ADAP1: variants seen among roughly 807,000 people sequenced by gnomAD.
ADAP1 encodes arf-GAP with dual PH domain-containing protein 1.
Under a neutral mutation model 54.9 loss-of-function variants are expected in ADAP1, and 31 were observed. The observed-to-expected ratio is 0.56, with a 90% CI of 0.42 to 0.76. The LOEUF (loss-of-function observed/expected upper bound fraction) is 0.76. ADAP1 is among the 30% of genes least tolerant of loss of function. The pLI is 0.00. For missense variants in ADAP1, 535 were observed against 512.4 expected, an observed-to-expected ratio of 1.04 and a Z score of -0.42; for synonymous variants, 313 against 202.6, an observed-to-expected ratio of 1.55 and a Z score of -4.63.
At chr7:912,020 C>T (rs942826289) in intron 4 of ADAP1, among the ~76,000 whole-genome samples, 1 of 152,214 alleles carries the variant, frequency 6.6e-6, no homozygotes, top group Non-Finnish European at 1.5e-5. Context: ...GTAGCGCCCT[C>T]GTGCCGCACA....
chr7:950,401 G>T (rs1847237705), intron 1 of ADAP1, among the ~76,000 whole-genome samples: 1 of 151,496 alleles, frequency 6.6e-6, no homozygotes, highest in Non-Finnish European at 1.5e-5. Context: ...CAGGAGAATG[G>T]CATGAGCCTG....
intron 1 of ADAP1, among the ~76,000 whole-genome samples, chr7:951,369 T>C (rs1483934213): frequency 7.8e-6 from 1 of 128,842 alleles, no homozygotes; most frequent in African/African-American, 3.1e-5. Flanking sequence ...CGAGACTCCG[T>C]CTCAAAAAAA....
At chr7:932,684 T>TC (rs1292517079) in intron 2 of ADAP1, among the ~76,000 whole-genome samples, 1 of 150,892 alleles carries the variant, frequency 6.6e-6, no homozygotes, top group Non-Finnish European at 1.5e-5. Context: ...CATCCCAGTG[T>TC]CCCCCCCTGG....
At chr7:914,838 T>C (rs1312356365) in intron 4 of ADAP1, among the ~76,000 whole-genome samples, 1 of 151,958 alleles carries the variant, frequency 6.6e-6, no homozygotes, top group East Asian at 2.0e-4. Context: ...CACTTGGCCG[T>C]CTGAAGCAGC....
intron 6 of ADAP1, chr7:901,037 G>C (rs1320897567): frequency 2.1e-6 from 1 of 473,224 alleles, no homozygotes; most frequent in Non-Finnish European, 4.4e-6. Context: ...CAAGTCTTGG[G>C]GTGGTGGGAG....
chr7:940,045 G>T (rs1846900247), intron 1 of ADAP1, among the ~76,000 whole-genome samples: 1 of 152,144 alleles, frequency 6.6e-6, no homozygotes, highest in African/African-American at 2.4e-5. Flanking sequence ...CCGGTGTAAA[G>T]TTAGAGGTTG....
chr7:904,838 C>T lies in ADAP1; in HGVS notation c.501+222G>A, dbSNP rs542556978. 3.3e-3 allele frequency among the ~76,000 whole-genome samples: 509 copies of T among 152,360 alleles called. 3 individuals carry two copies. Among genetic ancestry groups the T allele is most frequent in the African/African-American group, 0.011 (438 of 41,584 alleles). On this transcript the variant is annotated intron_variant, in intron 5 of 10. Coordinates refer to ENST00000265846, the MANE Select transcript of ADAP1 (RefSeq NM_006869.4). Reference sequence around the variant, plus strand: ...CTGAGTTCAGGGGGCCCCGCCCGGCCGCCCAGGCTCCTGGAAAGCCTCAGC... The same window carrying T: ...CTGAGTTCAGGGGGCCCCGCCCGGCTGCCCAGGCTCCTGGAAAGCCTCAGC...
chr7:929,754 C>A (rs182384514), intron 2 of ADAP1, among the ~76,000 whole-genome samples: 1 of 151,948 alleles, frequency 6.6e-6, no homozygotes, highest in African/African-American at 2.4e-5. Flanking sequence ...CTGAACTGTA[C>A]GCTTTACGGG....
chr7:931,329 C>T (rs1228047083), intron 2 of ADAP1, among the ~76,000 whole-genome samples: 3 of 152,198 alleles, frequency 2.0e-5, no homozygotes, highest in Non-Finnish European at 4.4e-5. Context: ...AGACGACCCA[C>T]GTGTCCATCA....
At chr7:899,581 G>C in intron 8 of ADAP1, 91 bp from the exon 9 acceptor site, 3 of 1,440,608 alleles carry the variant, frequency 2.1e-6, no homozygotes, top group East Asian at 4.9e-5. Flanking sequence ...GCAGGGCCCA[G>C]ACTGGCCCGG....
chr7:937,714 CCCG>C, intron 1 of ADAP1, among the ~76,000 whole-genome samples: 3 of 104,814 alleles, frequency 2.9e-5, no homozygotes, highest in Non-Finnish European at 5.8e-5. Flanking sequence ...GGGGGTCATG[CCCG>C]ACCTCTGGGA....
rs1010684217 is a variant in ADAP1, at chr7:946,624, C to T, written c.82+7772G>A. Among the ~76,000 whole-genome samples the T allele has an allele frequency of 1.3e-5, 2 of 151,876 alleles. No homozygotes were observed. Among genetic ancestry groups the T allele is most frequent in the African/African-American group, 4.8e-5 (2 of 41,352 alleles). On this transcript the variant is annotated intron_variant, in intron 1 of 10. Coordinates refer to ENST00000265846, the MANE Select transcript of ADAP1 (RefSeq NM_006869.4). The surrounding 1 kb of genome is among the most constrained non-coding windows in gnomAD (Gnocchi z 4.3). ...ATGGCGGGAACCCCACGGTGAAGGC[C>T]ATCCCCAGTCCTCCCTGGACCCACC... is the stretch of plus-strand genomic sequence containing the variant.
At chr7:931,102 G>A (rs879734162) in intron 2 of ADAP1, among the ~76,000 whole-genome samples, 5 of 151,240 alleles carry the variant, frequency 3.3e-5, no homozygotes, top group Non-Finnish European at 7.4e-5. Context: ...AAGGACGGAG[G>A]GACGGAGAGA....
At chr7:900,978 C>T (rs1352241657) in intron 6 of ADAP1, 2 of 517,712 alleles carry the variant, frequency 3.9e-6, no homozygotes, top group East Asian at 5.5e-5. Flanking sequence ...AACTTGCCTT[C>T]CTTTCAGATG....
At chr7:955,400 T>C, upstream of ADAP1, 1 of 1,550,034 alleles carries the variant, frequency 6.5e-7, no homozygotes, top group African/African-American at 1.4e-5. Flanking sequence ...GAAAACAAAC[T>C]GGAACATACC....
chr7:945,676 CG>C lies in ADAP1; in HGVS notation c.82+8719del. ...CCACAAACATCCAGGCTGCCAGCAC[CG>C]TCTCCAGGAGCTGCCTCCTCCTCGG... On this transcript the variant is annotated intron_variant, in intron 1 of 10. Transcript: ENST00000265846. This position sits in a 1 kb window ranked among gnomAD's most constrained non-coding sequence, Gnocchi z 4.2. 1 of 941,338 alleles carries C rather than the reference CG, an allele frequency of 1.1e-6. No individual in the cohort carries two copies. Among genetic ancestry groups the C allele is most frequent in the South Asian group, 4.9e-5 (1 of 20,498 alleles). 58.3% of individuals were successfully genotyped at this position (941,338 alleles called of 1,614,324 possible). A position where few individuals can be genotyped will look rare whatever the true frequency, so the allele number is the denominator to read the frequency against.
At chr7:906,791 C>CATGT (rs60095382) in intron 4 of ADAP1, among the ~76,000 whole-genome samples, 1 of 28,682 alleles carries the variant, frequency 3.5e-5, no homozygotes, top group Non-Finnish European at 8.5e-5. Flanking sequence ...ACACGGGGGA[C>CATGT]GGGACAGGGG....
intron 4 of ADAP1, among the ~76,000 whole-genome samples, chr7:912,083 A>G (rs1258955215): frequency 6.6e-6 from 1 of 152,132 alleles, no homozygotes; most frequent in Admixed American, 6.5e-5. Context: ...CCTCGTGCAC[A>G]GCCCCAGCCC....
At chr7:907,544 G>A (rs889016910) in intron 4 of ADAP1, among the ~76,000 whole-genome samples, 1 of 152,126 alleles carries the variant, frequency 6.6e-6, no homozygotes, top group Non-Finnish European at 1.5e-5. Context: ...TGACCCACGT[G>A]TGGCCACTCA....
Sources: gnomAD v4.1 joint callset for allele counts (sites outside exome capture counted in the v4.1 genomes callset) on GRCh38, gnomAD v4.1.1 for gene constraint, Gnocchi (gnomAD v3.1) non-coding constraint, MANE v1.5 for transcripts, NCBI Gene and HGNC (gene_info 2026-07-23, HGNC 2026-07-21) for gene names.